The following CLTCL1 variants were observed in gnomAD, a reference collection of about 807,000 sequenced individuals.
CLTCL1 encodes the protein clathrin heavy chain like 1, also known as clathrin heavy chain 2.
In CLTCL1, 159 loss-of-function variants were observed where a neutral mutation model predicts 190.0. That is an observed-to-expected ratio of 0.84 (90% CI 0.74 to 0.95). The LOEUF (loss-of-function observed/expected upper bound fraction) is 0.95, where lower values mean the gene tolerates loss of function less well. CLTCL1 is among the 40% of genes least tolerant of loss of function. The pLI, the probability that CLTCL1 is intolerant of heterozygous loss-of-function variation, is 0.00. For missense variants in CLTCL1, 1,878 were observed against 2,033.4 expected (o/e 0.92, Z 1.47); for synonymous variants, 752 against 769.6 (o/e 0.98, Z 0.38).
intron 2 of CLTCL1, among the ~76,000 whole-genome samples, chr22:19,267,800 C>A (rs2087167970): frequency 6.6e-6 from 1 of 151,806 alleles, no homozygotes; most frequent in African/African-American, 2.4e-5. Context: ...AAGGCTGAGG[C>A]AGGAGAATCG....
Position 19,201,347 on chromosome 22 carries a change from G to T in CLTCL1, c.3747C>A (p.Ser1249Arg). The change falls in exon 23 of 33, where the codon AGC becomes AGA. Residue 1249 changes from serine (S) to arginine (R), a missense_variant. Transcript: ENST00000427926. Reference sequence around the variant, plus strand: ...AGCTCACCTCCTTCCACGTCCGGGTGCTGCTGGCCTTGCGGCTGTTGTCCA... The same window carrying T: ...AGCTCACCTCCTTCCACGTCCGGGTTCTGCTGGCCTTGCGGCTGTTGTCCA... The part of the protein sequence containing the change: ...AAVDNSRKAS[S>R]TRTWKEVCFA... The T allele has an allele frequency of 6.2e-7, 1 of 1,612,628 alleles. No homozygotes were observed. Among genetic ancestry groups the T allele is most frequent in the African/African-American group, 1.3e-5 (1 of 75,038 alleles).
intron 17 of CLTCL1, among the ~76,000 whole-genome samples, chr22:19,220,570 A>G (rs2085534880): frequency 6.6e-6 from 1 of 152,222 alleles, no homozygotes; most frequent in Admixed American, 6.5e-5. Context: ...CAAAACACCA[A>G]CAGTCCACTG....
intron 7 of CLTCL1, among the ~76,000 whole-genome samples, chr22:19,233,953 G>C (rs193178538): frequency 4.6e-5 from 7 of 152,244 alleles, no homozygotes; most frequent in Admixed American, 4.6e-4. Flanking sequence ...ACAGATGAAG[G>C]CTAGAAATGG....
At chr22:19,239,763 T>A (rs1285159534) in intron 4 of CLTCL1, among the ~76,000 whole-genome samples, 15 of 152,272 alleles carry the variant, frequency 9.9e-5, no homozygotes, top group Admixed American at 9.2e-4. Context: ...ACAAGCCTGT[T>A]AGTGCAAGAT....
Position 19,216,252 on chromosome 22 carries a change from A to T in CLTCL1, c.2924T>A (p.Val975Glu). The change falls in exon 19 of 33, where the codon GTA (valine) becomes GAA (glutamate). Residue 975 changes from valine (V) to glutamate (E), a missense_variant. Val to Glu is a moderately radical substitution (Grantham distance 121). Coordinates refer to ENST00000427926, the MANE Select transcript of CLTCL1 (RefSeq NM_007098.4). ...CCGTGTTTCTGACAATGCTGTCTGT[A>T]CCACCTGGTTTTAAAAAGCATTTGA... is the stretch of plus-strand genomic sequence containing the variant. ...PSRRQLIDQV[V>E]QTALSETRDP... The T allele has an allele frequency of 6.2e-7, 1 of 1,613,504 alleles. No individual in the cohort carries two copies. The highest frequency in any genetic ancestry group is 1.1e-5 in the South Asian group (1 of 91,002).
chr22:19,203,993 T>G (rs12628795), intron 22 of CLTCL1, among the ~76,000 whole-genome samples: 2 of 152,168 alleles, frequency 1.3e-5, no homozygotes, highest in African/African-American at 4.8e-5. Context: ...AAGCTGACTA[T>G]GCTTTGCACT....
chr22:19,258,331 C>A, intron 2 of CLTCL1: 2 of 414,912 alleles, frequency 4.8e-6, no homozygotes, highest in Admixed American at 3.0e-5. Flanking sequence ...AGGTACTGAT[C>A]CCAGCAGATT....
In CLTCL1 at chr22:19,222,683, C is replaced by A; in HGVS notation, c.2418+1G>T. ...GTGTCACTCCAGGGAGCCAGCAGTA[C>A]CTTCTGCACGTAGATCTCAATGTAC... On this transcript the variant is annotated splice_donor_variant, in intron 15 of 32. Transcript: ENST00000427926. LOFTEE classifies it high-confidence loss of function. 2 of 1,588,880 alleles carry A rather than the reference C, an allele frequency of 1.3e-6. No individual in the cohort carries two copies. The highest frequency in any genetic ancestry group is 2.3e-5 in the East Asian group (1 of 43,852).
At chr22:19,270,651 C>T (rs1337931630) in intron 2 of CLTCL1, among the ~76,000 whole-genome samples, 5 of 142,944 alleles carry the variant, frequency 3.5e-5, no homozygotes, top group South Asian at 4.4e-4. Flanking sequence ...GGTGTGAACC[C>T]GGGAGGCAGA....
intron 2 of CLTCL1, chr22:19,258,738 A>C: frequency 1.4e-6 from 1 of 693,400 alleles, no homozygotes; most frequent in Non-Finnish European, 2.7e-6. Context: ...CCAAAAGACC[A>C]CCACCTGCAG....
rs577278325 is a variant in CLTCL1, at chr22:19,266,425, T to C, written c.250+9198A>G. ...TTCACAGCAAGTAAGGAAGTTGAAT[T>C]TGAAATTTAAAATCTTCCCACAAAG... On this transcript the variant is annotated intron_variant, in intron 2 of 32. Transcript: ENST00000427926. Among the ~76,000 whole-genome samples the C allele has an allele frequency of 7.2e-5, 11 of 152,286 alleles. No homozygotes were observed. The South Asian group carries it at 2.3e-3, about 32-fold the overall frequency.
chr22:19,238,147 T>C (rs1555963158), intron 5 of CLTCL1, among the ~76,000 whole-genome samples: 1 of 152,180 alleles, frequency 6.6e-6, no homozygotes, highest in Non-Finnish European at 1.5e-5. Context: ...TGGCATGCAG[T>C]GGTGTGATCT....
intron 13 of CLTCL1, among the ~76,000 whole-genome samples, chr22:19,225,196 C>A (rs1297733663): frequency 3.9e-5 from 6 of 152,184 alleles, no homozygotes; most frequent in Admixed American, 3.3e-4. Flanking sequence ...GTAGACACAC[C>A]GGGCTCCATA....
intron 5 of CLTCL1, among the ~76,000 whole-genome samples, chr22:19,237,109 G>A (rs781893936): frequency 2.0e-5 from 3 of 152,110 alleles, no homozygotes; most frequent in African/African-American, 7.2e-5. Flanking sequence ...CACAAATTAC[G>A]ACTGGGAAAA....
intron 3 of CLTCL1, among the ~76,000 whole-genome samples, chr22:19,245,625 T>G (rs1438567412): frequency 1.3e-5 from 2 of 152,228 alleles, no homozygotes; most frequent in Admixed American, 1.3e-4. Flanking sequence ...AACATTTTCA[T>G]CACCCAAAAG....
intron 21 of CLTCL1, 29 bp from the exon 22 acceptor site, chr22:19,208,340 C>T (rs1220493975): frequency 1.9e-6 from 3 of 1,605,824 alleles, no homozygotes; most frequent in African/African-American, 2.7e-5. Flanking sequence ...GATAGGTTAA[C>T]CCAGAGCTGA....
At chr22:19,202,393 A>ATCCACGGCACCTCCCGCACCAC in intron 22 of CLTCL1, among the ~76,000 whole-genome samples, 1 of 32,266 alleles carries the variant, frequency 3.1e-5, no homozygotes, top group African/African-American at 1.3e-4. Flanking sequence ...TCCCGCACCA[A>ATCCACGGCACCTCCCGCACCAC]CCCTCCTTCC....
Position 19,242,779 on chromosome 22 carries a change from C to T in CLTCL1, c.677G>A (p.Gly226Asp). 2 of 1,613,906 alleles carry T rather than the reference C, an allele frequency of 1.2e-6. No homozygotes were observed. Among genetic ancestry groups the T allele is most frequent in the Non-Finnish European group, 1.7e-6 (2 of 1,179,878 alleles). ...AGACAGTAGAGTGGATCTTACCTTG[C>T]CTCCTGTGGGATTACGTACAGCAAA... ...FCFAVRNPTG[G>D]KLHIIEVGQP... The change falls in exon 4 of 33, where the codon GGC (glycine) becomes GAC (aspartate). Residue 226 changes from glycine to aspartate, a missense_variant. By Grantham distance (94) the Gly-to-Asp change is moderately conservative. Coordinates refer to ENST00000427926, the MANE Select transcript of CLTCL1 (RefSeq NM_007098.4).
At chr22:19,258,864 T>TA (rs1241236205) in intron 2 of CLTCL1, 94 of 503,760 alleles carry the variant, frequency 1.9e-4, no homozygotes, top group Middle Eastern at 5.7e-4. Flanking sequence ...GTTCACAGGT[T>TA]AAAAAAAACC....
Sources: allele counts gnomAD v4.1 joint callset (sites outside exome capture counted in the v4.1 genomes callset), GRCh38; gene constraint gnomAD v4.1.1; transcripts MANE v1.5; gene names NCBI Gene and HGNC (gene_info 2026-07-23, HGNC 2026-07-21).